The following GSE1 variants were observed in gnomAD, a reference collection of about 807,000 sequenced individuals.
The protein encoded by GSE1 is Gse1 coiled-coil protein.
Under a neutral mutation model 112.6 loss-of-function variants are expected in GSE1, and 32 were observed. The observed-to-expected ratio is 0.28, with a 90% confidence interval of 0.21 to 0.38. The LOEUF is 0.38. Among genes scored for constraint, GSE1 ranks in the 10% least tolerant of loss-of-function variants. The pLI is 1.00. For synonymous variants in GSE1, 1,115 were observed against 735.6 expected (o/e 1.52, Z -8.35); for missense variants, 2,348 against 1,699.2 (o/e 1.38, Z -6.71).
chr16:85,661,590 G>A lies in GSE1; in HGVS notation c.2085G>A (p.Gln695=). 4 of 1,610,328 alleles carry A rather than the reference G, an allele frequency of 2.5e-6. No individual in the cohort carries two copies. The highest frequency in any genetic ancestry group is 3.4e-6 in the Non-Finnish European group (4 of 1,179,066). Residue 695 remains glutamine (Q), a synonymous_variant, in exon 9 of 16, where the codon CAG becomes CAA. Transcript: ENST00000253458. Reference sequence around the variant, plus strand: ...GCCAGCAGCGGGCCTCCCTCCCACAGGCGGCCACCTTCGGGGAGCTCAGCG... The same window carrying A: ...GCCAGCAGCGGGCCTCCCTCCCACAAGCGGCCACCTTCGGGGAGCTCAGCG... ...ILGQQRASLP[Q]AATFGELSGP...
At chr16:85,557,298 C>T (rs1444416254) in intron 1 of GSE1, among the ~76,000 whole-genome samples, 4 of 152,152 alleles carry the variant, frequency 2.6e-5, no homozygotes, top group Non-Finnish European at 5.9e-5. Flanking sequence ...GAAGGCTGTG[C>T]TGCGTGTGAC....
At chr16:85,637,969 G>A (rs950875269) in intron 2 of GSE1, among the ~76,000 whole-genome samples, 4 of 152,172 alleles carry the variant, frequency 2.6e-5, no homozygotes, top group African/African-American at 9.7e-5. Context: ...GGGGGAGGTG[G>A]CAGGAGAGGT....
At chr16:85,192,753 C>T (rs1217230254) in intron 1 of GSE1, among the ~76,000 whole-genome samples, 1 of 152,228 alleles carries the variant, frequency 6.6e-6, no homozygotes, top group Non-Finnish European at 1.5e-5. Flanking sequence ...TTCTCTTTGG[C>T]AGCCTCTGGG....
intron 2 of GSE1, among the ~76,000 whole-genome samples, chr16:85,397,946 C>T (rs1301853850): frequency 6.6e-6 from 1 of 151,506 alleles, no homozygotes; most frequent in Non-Finnish European, 1.5e-5. Context: ...GGGGCCTGGG[C>T]TCCACCCTAC....
chr16:85,312,526 G>C (rs925958267), intron 1 of GSE1, among the ~76,000 whole-genome samples: 2 of 152,190 alleles, frequency 1.3e-5, no homozygotes, highest in Non-Finnish European at 2.9e-5. Context: ...AAGGACGCTA[G>C]TTAGTGGATT....
At chr16:85,300,768 G>A (rs955354651) in intron 1 of GSE1, among the ~76,000 whole-genome samples, 12 of 152,026 alleles carry the variant, frequency 7.9e-5, no homozygotes, top group Non-Finnish European at 2.9e-5. Flanking sequence ...CCAGTCTCAC[G>A]CTGTGTGGAT....
intron 2 of GSE1, among the ~76,000 whole-genome samples, chr16:85,401,538 A>G (rs1407210589): frequency 1.3e-5 from 2 of 152,284 alleles, no homozygotes; most frequent in Admixed American, 6.5e-5. Flanking sequence ...GAGCCGGCCC[A>G]GAGGGCTTGG....
chr16:85,567,242 G>T (rs2045796771), intron 1 of GSE1, among the ~76,000 whole-genome samples: 1 of 152,152 alleles, frequency 6.6e-6, no homozygotes, highest in South Asian at 2.1e-4. Flanking sequence ...GGGGACCAGG[G>T]CTCCTGGCAT....
At chr16:85,624,651 A>C (rs111885847) in intron 1 of GSE1, among the ~76,000 whole-genome samples, 87 of 152,262 alleles carry the variant, frequency 5.7e-4, no homozygotes, top group African/African-American at 2.0e-3. Flanking sequence ...GAGCCTCTAC[A>C]TGTGACCCGG....
chr16:85,193,288 T>C (rs373468650), intron 1 of GSE1, among the ~76,000 whole-genome samples: 11 of 152,332 alleles, frequency 7.2e-5, no homozygotes, highest in African/African-American at 2.4e-4. Flanking sequence ...CACCATCCTG[T>C]TGAATAGCTG....
At chr16:85,500,222 C>T (rs2051314598) in intron 2 of GSE1, among the ~76,000 whole-genome samples, 1 of 152,214 alleles carries the variant, frequency 6.6e-6, no homozygotes, top group African/African-American at 2.4e-5. Context: ...TTTTCTCCTC[C>T]TGTCATTCTG....
At chr16:85,439,551 C>CAT (rs2049327994) in intron 2 of GSE1, among the ~76,000 whole-genome samples, 1 of 152,122 alleles carries the variant, frequency 6.6e-6, no homozygotes, top group African/African-American at 2.4e-5. Flanking sequence ...CACACACACA[C>CAT]ACACACACCC....
chr16:85,488,228 C>T (rs1456530883), intron 2 of GSE1, among the ~76,000 whole-genome samples: 1 of 152,192 alleles, frequency 6.6e-6, no homozygotes, highest in African/African-American at 2.4e-5. Context: ...GTCCTTCCAG[C>T]TCTTCAGTTT....
chr16:85,656,619 T>G lies in GSE1; in HGVS notation c.1266T>G (p.Thr422=), dbSNP rs1051338179. The G allele has an allele frequency of 1.3e-6, 2 of 1,543,564 alleles. No homozygotes were observed. The highest frequency in any genetic ancestry group is 1.7e-6 in the Non-Finnish European group (2 of 1,143,810). Residue 422 remains threonine (T), a synonymous_variant, in exon 7 of 16, where the codon ACT becomes ACG. Coordinates refer to ENST00000253458, the MANE Select transcript of GSE1 (RefSeq NM_014615.5). ...TGCATGGGCTGCGTGGCCATGCCACTGAGGAGCGGGGCAAGCCCTCGGAGC... is the reference window on the plus strand; with the variant it reads ...TGCATGGGCTGCGTGGCCATGCCACGGAGGAGCGGGGCAAGCCCTCGGAGC... The part of the protein sequence containing the change: ...AELHGLRGHA[T]EERGKPSEQL...
rs114974483 is a variant in GSE1 at position 85,619,023 on chromosome 16, G to A, written c.7+5625G>A. On this transcript the variant is annotated intron_variant, in intron 1 of 15. Coordinates refer to ENST00000253458, the MANE Select transcript of GSE1 (RefSeq NM_014615.5). Reference sequence around the variant, plus strand: ...CCCTACGCTCAACTGACTCCCTTGCGGTGTTGGGGGTGGCCCCTTTTCCCA... The same window carrying A: ...CCCTACGCTCAACTGACTCCCTTGCAGTGTTGGGGGTGGCCCCTTTTCCCA... Among the ~76,000 whole-genome samples, 8 of 152,352 alleles carry A rather than the reference G, an allele frequency of 5.3e-5. No homozygotes were observed. In the South Asian group the frequency reaches 6.2e-4, roughly 12 times the overall value.
At chr16:85,514,805 A>G (rs566033673) in intron 2 of GSE1, among the ~76,000 whole-genome samples, 42 of 152,188 alleles carry the variant, frequency 2.8e-4, no homozygotes, top group East Asian at 1.2e-3. Flanking sequence ...TGAGCCCCCA[A>G]TAGCTCCTCT....
At position 85,215,067 on chromosome 16, in the gene GSE1, C is replaced by T. The variant is rs563316837; in HGVS notation, c.2283+43260C>T. On this transcript the variant is annotated intron_variant, in intron 1 of 2. Coordinates refer to the GSE1 transcript ENST00000637419. ...GTCCAGAGCCTTGGGGAGTAGGCCA[C>T]CGTTAACACTGACCCCTGACACAGG... is the stretch of plus-strand genomic sequence containing the variant. Among the ~76,000 whole-genome samples, 5 of 152,288 alleles carry T rather than the reference C, an allele frequency of 3.3e-5. No individual in the cohort carries two copies. In the South Asian group the frequency reaches 1.0e-3, roughly 32 times the overall value.
intron 1 of GSE1, among the ~76,000 whole-genome samples, chr16:85,269,704 C>A (rs1908635227): frequency 6.7e-6 from 1 of 149,100 alleles, no homozygotes; most frequent in South Asian, 2.1e-4. Context: ...GGGGAAGGGG[C>A]TCCCAGTGTC....
At position 85,655,547 on chromosome 16, in the gene GSE1, C is replaced by A. The variant is rs181094353; in HGVS notation, c.798-179C>A. On this transcript the variant is annotated intron_variant, in intron 5 of 15. Transcript: ENST00000253458. ...GGAACCCCAAGCTGTCGGCACCTAG[C>A]AGCCTCCGGCATCAAGGGGCTTTGG... 1.6e-3 allele frequency among the ~76,000 whole-genome samples: 245 copies of A among 152,344 alleles called. 1 individual carries two copies. Among genetic ancestry groups the A allele is most frequent in the African/African-American group, 5.7e-3 (238 of 41,586 alleles).
Sources: gnomAD v4.1 joint callset for allele counts (sites outside exome capture counted in the v4.1 genomes callset) on GRCh38, gnomAD v4.1.1 for gene constraint, MANE v1.5 for transcripts, NCBI Gene and HGNC (gene_info 2026-07-23, HGNC 2026-07-21) for gene names.